Variants in RMDN3 observed in about 807,000 individuals in gnomAD.
RMDN3 encodes the protein regulator of microtubule dynamics 3.
A neutral mutation model predicts 61.8 loss-of-function variants in RMDN3; 41 were observed. The observed-to-expected ratio is 0.66, with a 90% CI of 0.52 to 0.86. The LOEUF (loss-of-function observed/expected upper bound fraction) is 0.86, where lower values mean the gene tolerates loss of function less well. Among genes scored for constraint, RMDN3 ranks in the 40% least tolerant of loss-of-function variants. RMDN3 has a pLI of 0.00. For missense variants in RMDN3, 557 were observed against 585.3 expected, an observed-to-expected ratio of 0.95 and a Z score of 0.50; for synonymous variants, 247 against 232.0, an observed-to-expected ratio of 1.06 and a Z score of -0.59.
At chr15:40,740,301 T>C (rs555086840) in intron 6 of RMDN3, 108 bp from the exon 7 acceptor site, 17 of 758,764 alleles carry the variant, frequency 2.2e-5, no homozygotes, top group African/African-American at 1.7e-4. Flanking sequence ...CCTACCCAGC[T>C]TGGACTTGTT....
At chr15:40,742,230 A>G (rs766342557) in intron 6 of RMDN3, among the ~76,000 whole-genome samples, 32 of 146,494 alleles carry the variant, frequency 2.2e-4, no homozygotes, top group Admixed American at 1.2e-3. Flanking sequence ...CTAGTCTCTA[A>G]CTCCTGGGCT....
Position 40,738,059 on chromosome 15 carries a change from A to C in RMDN3, c.1048-17T>G, listed in dbSNP as rs368610327. On this transcript the variant is annotated splice_polypyrimidine_tract_variant and intron_variant, in intron 8 of 12. Coordinates refer to ENST00000338376, the MANE Select transcript of RMDN3 (RefSeq NM_018145.3). ...CACATGCTCCTAAGGGGAAAATGTA[A>C]ATATAAACTAACATCAGACACCAGA... 6.2e-7 allele frequency: 1 copy of C among 1,612,938 alleles called. No individual in the cohort carries two copies. The highest frequency in any genetic ancestry group is 8.5e-7 in the Non-Finnish European group (1 of 1,178,914).
intron 4 of RMDN3, among the ~76,000 whole-genome samples, chr15:40,748,472 A>G (rs1897671912): frequency 6.6e-6 from 1 of 152,236 alleles, no homozygotes; most frequent in African/African-American, 2.4e-5. Flanking sequence ...CCCTTGCCCC[A>G]TCACAGGTGT....
At position 40,738,527 on chromosome 15, in the gene RMDN3, G is replaced by A. The variant is rs780201716; in HGVS notation, c.1021C>T (p.Arg341Cys). ...TTGAAGCTAAAGCCACTCTGGATGC[G>A]CCTCTGGATGCTCTCATGCTCAGCC... Reference protein sequence around the residue: ...QLAEHESIQRRIQSGFSFKEH... With the variant: ...QLAEHESIQRCIQSGFSFKEH... Residue 341 changes from arginine (R) to cysteine (C), a missense_variant, in exon 8 of 13, where the codon CGC becomes TGC. Physicochemically the swap from Arg to Cys is radical, Grantham distance 180. Transcript: ENST00000338376. 9 of 1,614,072 alleles carry A rather than the reference G, an allele frequency of 5.6e-6. No individual in the cohort carries two copies. The highest frequency in any genetic ancestry group is 1.6e-4 in the Middle Eastern group (1 of 6,062).
At chr15:40,751,291 C>T in intron 4 of RMDN3, 135 bp downstream of exon 4, 1 of 1,110,776 alleles carries the variant, frequency 9.0e-7, no homozygotes, top group Non-Finnish European at 1.3e-6. Flanking sequence ...TTTGTTTCAA[C>T]TCTTCTGTAT....
At chr15:40,748,053 G>A (rs1387430488) in intron 4 of RMDN3, among the ~76,000 whole-genome samples, 1 of 152,214 alleles carries the variant, frequency 6.6e-6, no homozygotes, top group African/African-American at 2.4e-5. Context: ...GGGAACTCAA[G>A]CTGTGTTTGG....
chr15:40,751,749 C>CA, intron 3 of RMDN3, 180 bp from the exon 4 acceptor site: 2 of 950,688 alleles, frequency 2.1e-6, no homozygotes, highest in Non-Finnish European at 3.2e-6. Flanking sequence ...CCCGCACAGA[C>CA]AGACTAGGTT....
chr15:40,742,138 A>G (rs138898129), intron 6 of RMDN3, among the ~76,000 whole-genome samples: 1 of 148,586 alleles, frequency 6.7e-6, no homozygotes, highest in Non-Finnish European at 1.5e-5. Flanking sequence ...TCCTGCTGGC[A>G]TGTTCCACCA....
chr15:40,754,954 A>C (rs1284824540), intron 1 of RMDN3, 129 bp downstream of exon 1: 1 of 599,308 alleles, frequency 1.7e-6, no homozygotes, highest in Non-Finnish European at 2.9e-6. Flanking sequence ...CCCAGTCTGA[A>C]CCCTAAGGCT....
Position 40,736,409 on chromosome 15 carries a change from T to C in RMDN3, c.*132A>G, listed in dbSNP as rs570589991. ...GAATAAATTAACTAATGGGGAGTGG[T>C]AGTGGGTAGCAGTCAGACCCAGGAG... On this transcript the variant is annotated 3_prime_UTR_variant, in exon 13 of 13. Transcript: ENST00000338376. The C allele has an allele frequency of 2.6e-5, 19 of 737,426 alleles. No individual in the cohort carries two copies. The African/African-American group carries it at 3.2e-4, about 12-fold the overall frequency. The allele number at this position is 737,426 out of a possible 1,614,324, so 45.7% of individuals were successfully genotyped here. A position where few individuals can be genotyped will look rare whatever the true frequency, so the allele number is the denominator to read the frequency against.
In RMDN3 at chr15:40,745,165, T is replaced by C. The variant is rs1897470793; in HGVS notation, c.619A>G (p.Met207Val). The part of the protein sequence containing the change: ...EDEVSCETVK[M>V]GRKDSLDLEE... Reference sequence around the variant, plus strand: ...AAGTCAAGAGAATCCTTTCTCCCCATCTTCACAGTCTCACAGCTCACTTCA... The same window carrying C: ...AAGTCAAGAGAATCCTTTCTCCCCACCTTCACAGTCTCACAGCTCACTTCA... The change falls in exon 5 of 13, where the codon ATG becomes GTG. Residue 207 changes from methionine to valine, a missense_variant. Coordinates refer to ENST00000338376, the MANE Select transcript of RMDN3 (RefSeq NM_018145.3). 1 of 1,614,140 alleles carries C rather than the reference T, an allele frequency of 6.2e-7. No individual in the cohort carries two copies. Among genetic ancestry groups the C allele is most frequent in the African/African-American group, 1.3e-5 (1 of 75,030 alleles).
In RMDN3 at chr15:40,751,462, G is replaced by C. The variant is rs573855739; in HGVS notation, c.488C>G (p.Ser163Trp). Residue 163 changes from serine to tryptophan, a missense_variant, in exon 4 of 13, where the codon TCG becomes TGG. Transcript: ENST00000338376. The part of the protein sequence containing the change: ...GSSSVYFTAS[S>W]GATFTDAESE... ...CTCAGCATCTGTGAACGTGGCTCCC[G>C]AGGAGGCCGTGAAGTAGACAGAGCT... 1.2e-6 allele frequency: 2 copies of C among 1,614,052 alleles called. No individual in the cohort carries two copies. The highest frequency in any genetic ancestry group is 2.7e-5 in the African/African-American group (2 of 74,910).
At chr15:40,744,511 C>G (rs1263134008) in intron 5 of RMDN3, among the ~76,000 whole-genome samples, 1 of 145,606 alleles carries the variant, frequency 6.9e-6, no homozygotes, top group African/African-American at 2.7e-5. Flanking sequence ...GGGGGGGGGG[C>G]ATTTATACCT....
At position 40,745,014 on chromosome 15, in the gene RMDN3, C is replaced by T. The variant is rs199637427; in HGVS notation, c.770G>A (p.Arg257Gln). The T allele has an allele frequency of 5.6e-6, 9 of 1,611,028 alleles. No homozygotes were observed. Among genetic ancestry groups the T allele is most frequent in the South Asian group, 2.2e-5 (2 of 91,014 alleles). The change falls in exon 5 of 13, where the codon CGG becomes CAG. Residue 257 changes from arginine to glutamine, a missense_variant. Coordinates refer to ENST00000338376, the MANE Select transcript of RMDN3 (RefSeq NM_018145.3). ...ELHRGDEQGK[R>Q]EGFQLLLNNK... is the part of the protein sequence containing the mutation. ...GTTGAGCAGCAGCTGGAAGCCCTCC[C>T]GCTTGCCTTGCTCATCACCCCTGTG...
intron 7 of RMDN3, chr15:40,738,829 A>T: frequency 3.7e-6 from 2 of 540,016 alleles, no homozygotes; most frequent in Middle Eastern, 5.0e-4. Context: ...TGGGTTCACC[A>T]CAGTAAATCT....
chr15:40,738,771 T>A (rs1298763528), intron 7 of RMDN3, 195 bp from the exon 8 acceptor site: 6 of 604,282 alleles, frequency 9.9e-6, no homozygotes, highest in Non-Finnish European at 1.8e-5. Flanking sequence ...CTTTAGTAGA[T>A]AATGGTAGGC....
At chr15:40,750,136 T>C in intron 4 of RMDN3, among the ~76,000 whole-genome samples, 1 of 151,422 alleles carries the variant, frequency 6.6e-6, no homozygotes, top group Non-Finnish European at 1.5e-5. Context: ...GGCACAATTA[T>C]GGCTCACTGC....
At chr15:40,738,450 G>T (rs1897151947) in intron 8 of RMDN3, 51 bp downstream of exon 8, 1 of 1,578,084 alleles carries the variant, frequency 6.3e-7, no homozygotes, top group Admixed American at 1.7e-5. Context: ...GGAAAGGAGT[G>T]GGGAATCTGG....
rs1897045327 is a variant in RMDN3 at position 40,736,410 on chromosome 15, A to G, written c.*131T>C. ...AATAAATTAACTAATGGGGAGTGGT[A>G]GTGGGTAGCAGTCAGACCCAGGAGA... On this transcript the variant is annotated 3_prime_UTR_variant, in exon 13 of 13. Transcript: ENST00000338376. 1.3e-6 allele frequency: 1 copy of G among 741,012 alleles called. No individual in the cohort carries two copies. The highest frequency in any genetic ancestry group is 2.5e-5 in the East Asian group (1 of 39,534). 45.9% of individuals were successfully genotyped at this position (741,012 alleles called of 1,614,324 possible). A position where few individuals can be genotyped will look rare whatever the true frequency, so the allele number is the denominator to read the frequency against.
Sources: allele counts gnomAD v4.1 joint callset (sites outside exome capture counted in the v4.1 genomes callset), GRCh38; gene constraint gnomAD v4.1.1; transcripts MANE v1.5; gene names NCBI Gene and HGNC (gene_info 2026-07-23, HGNC 2026-07-21).